SPDYE5: variants seen among roughly 807,000 people sequenced by gnomAD.
SPDYE5 encodes speedy/RINGO cell cycle regulator family member E5, also known as speedy protein E5.
A neutral mutation model predicts 48.5 loss-of-function variants in SPDYE5; 15 were observed. The observed-to-expected ratio is 0.31, with a 90% confidence interval of 0.21 to 0.48. The LOEUF (loss-of-function observed/expected upper bound fraction) is 0.48, where lower values mean the gene tolerates loss of function less well. Ranked by LOEUF, SPDYE5 falls within the 20% of genes least tolerant of loss-of-function variation. The pLI, the probability that SPDYE5 is intolerant of heterozygous loss-of-function variation, is 0.99. For synonymous variants in SPDYE5, 116 were observed against 200.7 expected (o/e 0.58, Z 3.57); for missense variants, 331 against 549.1 (o/e 0.60, Z 3.97).
chr7:75,493,117 G>C (rs1437426815), intron 1 of SPDYE5, among the ~76,000 whole-genome samples: 3 of 152,058 alleles, frequency 2.0e-5, no homozygotes, highest in South Asian at 2.1e-4. Flanking sequence ...TTTCGACTTA[G>C]TCTTTTTGTA....
intron 2 of SPDYE5, 33 bp downstream of exon 2, chr7:75,494,240 G>C (rs1318285481): frequency 2.6e-6 from 4 of 1,533,928 alleles, no homozygotes; most frequent in Non-Finnish European, 3.5e-6. Flanking sequence ...AGGTGGGATA[G>C]GATTGACTAA....
At position 75,495,497 on chromosome 7, in the gene SPDYE5, G is replaced by A. The variant is rs1584736732; in HGVS notation, c.379+123G>A. On this transcript the variant is annotated intron_variant, in intron 3 of 8. Transcript: ENST00000625065. The stretch of plus-strand genomic sequence containing the variant: ...CGTGGGTGAGCTCTCCACGCAGGAG[G>A]ACTCAGAAGTGATCACTCATGAGGG... 2.0e-6 allele frequency: 3 copies of A among 1,536,528 alleles called. No individual in the cohort carries two copies. In the East Asian group the frequency reaches 7.3e-5, roughly 37 times the overall value.
rs1563170547 is a variant in SPDYE5 at position 75,501,392 on chromosome 7, CGAG to C, written c.789_791del (p.Glu263del). 3.1e-6 allele frequency: 5 copies of C among 1,612,290 alleles called. No homozygotes were observed. The African/African-American group carries it at 5.3e-5, about 17-fold the overall frequency. On this transcript the variant is annotated inframe_deletion, in exon 7 of 9. Coordinates refer to ENST00000625065, the MANE Select transcript of SPDYE5 (RefSeq NM_001306141.4). ...TGGCCAATGACATGGAGGAGGACGA[CGAG>C]GACTCCAAACAAAACATCTTCCACT...
chr7:75,494,516 CAAAAA>C (rs1280246072), intron 2 of SPDYE5, among the ~76,000 whole-genome samples: 2 of 117,974 alleles, frequency 1.7e-5, no homozygotes, highest in Admixed American at 8.5e-5. Context: ...TACTGCACTC[CAAAAA>C]AAAAAAAAAA....
chr7:75,495,252 T>C lies in SPDYE5; in HGVS notation c.257T>C (p.Leu86Pro). 1 of 1,579,436 alleles carries C rather than the reference T, an allele frequency of 6.3e-7. No individual in the cohort carries two copies. The highest frequency in any genetic ancestry group is 8.5e-7 in the Non-Finnish European group (1 of 1,171,388). ...DESAEEPEKE[L>P]APEPEETWVV... Reference sequence around the variant, plus strand: ...TCTGCGGAGGAGCCGGAGAAGGAGCTCGCCCCTGAACCTGAGGAGACCTGG... The same window carrying C: ...TCTGCGGAGGAGCCGGAGAAGGAGCCCGCCCCTGAACCTGAGGAGACCTGG... The change falls in exon 3 of 9, where the codon CTC (leucine) becomes CCC (proline). Residue 86 changes from leucine (L) to proline (P), a missense_variant. By Grantham distance (98) the Leu-to-Pro change is moderately conservative. Transcript: ENST00000625065.
At position 75,503,175 on chromosome 7, in the gene SPDYE5, G is replaced by A; in HGVS notation, c.*388G>A. On this transcript the variant is annotated 3_prime_UTR_variant, in exon 9 of 9. Transcript: ENST00000625065. Reference sequence around the variant, plus strand: ...GTTTCTTATGGACTTGGTTACCACAGTCCAGAAGCATTTGAAGGCACAATG... The same window carrying A: ...GTTTCTTATGGACTTGGTTACCACAATCCAGAAGCATTTGAAGGCACAATG... The A allele has an allele frequency of 2.6e-6, 1 of 389,258 alleles. No individual in the cohort carries two copies. Among genetic ancestry groups the A allele is most frequent in the Non-Finnish European group, 5.0e-6 (1 of 200,248 alleles). 24.1% of individuals were successfully genotyped at this position (389,258 alleles called of 1,614,324 possible).
At chr7:75,496,455 A>G (rs1413393915) in intron 3 of SPDYE5, among the ~76,000 whole-genome samples, 1 of 134,398 alleles carries the variant, frequency 7.4e-6, no homozygotes, top group Non-Finnish European at 1.6e-5. Context: ...CCAGGGAAGG[A>G]TATGAGGAAG....
intron 3 of SPDYE5, 30 bp from the exon 4 acceptor site, chr7:75,496,644 A>G: frequency 6.3e-7 from 1 of 1,597,544 alleles, no homozygotes; most frequent in East Asian, 2.2e-5. Flanking sequence ...CTGCAGAAGC[A>G]TTACACCATG....
intron 8 of SPDYE5, among the ~76,000 whole-genome samples, 184 bp from the exon 9 acceptor site, chr7:75,502,649 G>A (rs587712799): frequency 1.6e-5 from 2 of 121,806 alleles, no homozygotes; most frequent in Non-Finnish European, 3.7e-5. Flanking sequence ...TTTTGGAGTC[G>A]TCACCAAAGT....
intron 2 of SPDYE5, among the ~76,000 whole-genome samples, chr7:75,494,516 CAAAAAAAA>C: frequency 8.5e-6 from 1 of 117,948 alleles, no homozygotes; most frequent in East Asian, 2.5e-4. Flanking sequence ...TACTGCACTC[CAAAAAAAA>C]AAAAAAAAGA....
chr7:75,498,174 G>A (rs1269752920), intron 5 of SPDYE5, among the ~76,000 whole-genome samples, 178 bp downstream of exon 5: 3 of 141,122 alleles, frequency 2.1e-5, no homozygotes, highest in Non-Finnish European at 3.0e-5. Context: ...GCCCATGCTG[G>A]AGGGCAGTGT....
intron 8 of SPDYE5, among the ~76,000 whole-genome samples, chr7:75,502,347 A>ACCCC (rs1793190029): frequency 6.6e-6 from 1 of 151,468 alleles, no homozygotes; most frequent in Admixed American, 6.6e-5. Context: ...GGTTCAGTGA[A>ACCCC]GCTTTGGTTT....
rs782703115 is a variant in SPDYE5, at chr7:75,501,651, G to A, written c.1045G>A (p.Ala349Thr). ...FQLGRSMNLR[A>T]RKNRSQIVLF... ...GTTAGGCCGTTCCATGAACCTGAGG[G>A]CCAGGAAGAACCGCTCTCAGATAGT... The change falls in exon 7 of 9, where the codon GCC (alanine) becomes ACC (threonine). Residue 349 changes from alanine to threonine, a missense_variant. Ala to Thr is a moderately conservative substitution (Grantham distance 58, BLOSUM62 0). Transcript: ENST00000625065. 3.3e-5 allele frequency: 54 copies of A among 1,613,648 alleles called. No individual in the cohort carries two copies. In the Middle Eastern group the frequency reaches 5.2e-4, roughly 16 times the overall value.
At chr7:75,498,254 G>T (rs1460802321) in intron 5 of SPDYE5, among the ~76,000 whole-genome samples, 4 of 151,076 alleles carry the variant, frequency 2.6e-5, no homozygotes, top group Non-Finnish European at 5.9e-5. Context: ...CCTCCAAGCA[G>T]CTGGGATTAC....
chr7:75,498,188 A>G (rs587604938), intron 5 of SPDYE5, among the ~76,000 whole-genome samples, 192 bp downstream of exon 5: 65 of 138,664 alleles, frequency 4.7e-4, no homozygotes, highest in Middle Eastern at 8.9e-3. Flanking sequence ...GCAGTGTCTC[A>G]ATCTTGACTC....
chr7:75,492,362 A>G lies in SPDYE5; in HGVS notation c.-501A>G, dbSNP rs1192078754. On this transcript the variant is annotated 5_prime_UTR_variant, in exon 1 of 9. Transcript: ENST00000625065. ...AGCAATGGGATCTGCTTCCTCTTTCAGTGTGTGCCTTTTCTATGAGCGAGA... is the reference window on the plus strand; with the variant it reads ...AGCAATGGGATCTGCTTCCTCTTTCGGTGTGTGCCTTTTCTATGAGCGAGA... Among the ~76,000 whole-genome samples the G allele has an allele frequency of 6.6e-6, 1 of 152,126 alleles. No homozygotes were observed. The highest frequency in any genetic ancestry group is 1.9e-4 in the East Asian group (1 of 5,182).
intron 4 of SPDYE5, among the ~76,000 whole-genome samples, chr7:75,497,249 G>A (rs1554482728): frequency 6.6e-6 from 1 of 151,784 alleles, no homozygotes; most frequent in Non-Finnish European, 1.5e-5. Context: ...TCCAGCCTGG[G>A]TGACAGAGCA....
Position 75,493,827 on chromosome 7 carries a change from T to G in SPDYE5, c.-221T>G. ...GGATCTCCAGGACAAGAGATCAGCC[T>G]GGCAGTTACATGTGTTTTTTTTCAA... On this transcript the variant is annotated 5_prime_UTR_variant, in exon 2 of 9. Transcript: ENST00000625065. 1 of 1,438,266 alleles carries G rather than the reference T, an allele frequency of 7.0e-7. No individual in the cohort carries two copies. The allele number at this position is 1,438,266 out of a possible 1,614,324, so 89.1% of individuals were successfully genotyped here.
chr7:75,502,365 G>T (rs1199076874), intron 8 of SPDYE5, among the ~76,000 whole-genome samples: 35 of 151,912 alleles, frequency 2.3e-4, no homozygotes, highest in African/African-American at 8.5e-4. Flanking sequence ...TTTACATCTT[G>T]TGCAGCTAAC....
Sources: allele counts gnomAD v4.1 joint callset (sites outside exome capture counted in the v4.1 genomes callset), GRCh38; gene constraint gnomAD v4.1.1; transcripts MANE v1.5; gene names NCBI Gene and HGNC (gene_info 2026-07-23, HGNC 2026-07-21).